The following PIP4P2 variants were observed in gnomAD, a reference collection of about 807,000 sequenced individuals.
PIP4P2 encodes type 2 phosphatidylinositol 4,5-bisphosphate 4-phosphatase.
Under a neutral mutation model 33.3 loss-of-function variants are expected in PIP4P2, and 19 were observed. That is an observed-to-expected ratio of 0.57 (90% CI 0.40 to 0.84). The LOEUF is 0.84. PIP4P2 is among the 40% of genes least tolerant of loss of function. PIP4P2 has a pLI of 0.00. For missense variants in PIP4P2, 270 were observed against 324.7 expected, an observed-to-expected ratio of 0.83 and a Z score of 1.29; for synonymous variants, 110 against 111.9, an observed-to-expected ratio of 0.98 and a Z score of 0.11.
chr8:91,006,798 G>C (rs184431225), intron 5 of PIP4P2, among the ~76,000 whole-genome samples: 2 of 151,984 alleles, frequency 1.3e-5, no homozygotes, highest in Admixed American at 1.3e-4. Flanking sequence ...GTGAAACCCC[G>C]CCTCTACTAA....
At chr8:91,021,633 G>A (rs1175576140) in intron 1 of PIP4P2, among the ~76,000 whole-genome samples, 1 of 152,056 alleles carries the variant, frequency 6.6e-6, no homozygotes, top group African/African-American at 2.4e-5. Flanking sequence ...GTTTGCCTAG[G>A]TCTATCCCAA....
chr8:91,001,495 G>T (rs1811698874), intron 5 of PIP4P2, among the ~76,000 whole-genome samples: 1 of 151,576 alleles, frequency 6.6e-6, no homozygotes, highest in Non-Finnish European at 1.5e-5. Flanking sequence ...AGGTAACCTT[G>T]TATGGCTAAG....
chr8:91,011,330 AC>A (rs1461384127), intron 4 of PIP4P2, among the ~76,000 whole-genome samples: 1 of 152,054 alleles, frequency 6.6e-6, no homozygotes, highest in Admixed American at 6.6e-5. Context: ...CATGGGCCCT[AC>A]AGAAATGTAA....
At chr8:91,013,377 A>T (rs1378902441) in intron 4 of PIP4P2, among the ~76,000 whole-genome samples, 1 of 152,212 alleles carries the variant, frequency 6.6e-6, no homozygotes, top group African/African-American at 2.4e-5. Flanking sequence ...GTTGAAACAA[A>T]TCTATATTGA....
At chr8:91,040,418 T>TCACCACCACCACCAC (rs58764824) in intron 1 of PIP4P2, among the ~76,000 whole-genome samples, 4 of 131,498 alleles carry the variant, frequency 3.0e-5, no homozygotes, top group Admixed American at 2.2e-4. Flanking sequence ...ACCACCACCA[T>TCACCACCACCACCAC]CACCACCACC....
At chr8:91,028,705 C>A (rs369190476) in intron 1 of PIP4P2, among the ~76,000 whole-genome samples, 4 of 152,252 alleles carry the variant, frequency 2.6e-5, no homozygotes, top group African/African-American at 9.6e-5. Flanking sequence ...AACACCACAT[C>A]CCTGGGGAAA....
intron 1 of PIP4P2, among the ~76,000 whole-genome samples, chr8:91,031,546 C>G (rs1400361205): frequency 6.6e-6 from 1 of 152,200 alleles, no homozygotes; most frequent in Non-Finnish European, 1.5e-5. Context: ...TACAGATTGA[C>G]CAAGCCTAAA....
At chr8:91,014,053 T>A (rs73299979) in intron 4 of PIP4P2, among the ~76,000 whole-genome samples, 16,408 of 152,146 alleles carry the variant, frequency 0.11, 1,072 homozygotes, top group African/African-American at 0.18. Context: ...ATAATAGTAA[T>A]TGAATTTTGA....
At position 91,020,180 on chromosome 8, in the gene PIP4P2, T is replaced by C; in HGVS notation, c.339A>G (p.Arg113=). The C allele has an allele frequency of 1.2e-6, 2 of 1,613,780 alleles. No individual in the cohort carries two copies. The highest frequency in any genetic ancestry group is 8.5e-7 in the Non-Finnish European group (1 of 1,179,796). The change falls in exon 3 of 7, where the codon CGA becomes CGG. Residue 113 remains arginine, a synonymous_variant. Transcript: ENST00000285419. The part of the protein sequence containing the change: ...CLLICKDTSR[R]IGCPRPNCRR... ...ACCAGTTGGGTCTTGGGCATCCTAT[T>C]CGCCGAGATGTGTCCTTACAAATGA...
At chr8:90,995,930 G>A (rs1205179621) in intron 6 of PIP4P2, 110 bp from the exon 7 acceptor site, 26 of 1,220,832 alleles carry the variant, frequency 2.1e-5, no homozygotes, top group South Asian at 8.4e-5. Context: ...CCCCCAGACC[G>A]AATACACAAA....
chr8:91,004,211 C>T (rs528309992), intron 5 of PIP4P2, among the ~76,000 whole-genome samples: 1 of 152,236 alleles, frequency 6.6e-6, no homozygotes, highest in South Asian at 2.1e-4. Context: ...TGAGGGACCA[C>T]TGGTGTACGT....
intron 4 of PIP4P2, among the ~76,000 whole-genome samples, chr8:91,014,903 T>A (rs1026236237): frequency 6.6e-6 from 1 of 151,986 alleles, no homozygotes; most frequent in African/African-American, 2.4e-5. Context: ...AATATACAAT[T>A]TCTGTTGGTC....
intron 1 of PIP4P2, among the ~76,000 whole-genome samples, chr8:91,037,626 G>A (rs1586188992): frequency 6.6e-6 from 1 of 152,236 alleles, no homozygotes; most frequent in Admixed American, 6.5e-5. Context: ...TCCTACCACA[G>A]ATTTGGCTGG....
intron 1 of PIP4P2, among the ~76,000 whole-genome samples, chr8:91,039,356 TCTCAAGCC>T (rs1812275154): frequency 6.6e-6 from 1 of 152,236 alleles, no homozygotes; most frequent in Non-Finnish European, 1.5e-5. Flanking sequence ...GTGCCTTATT[TCTCAAGCC>T]ATGGCTCACA....
At position 90,995,590 on chromosome 8, in the gene PIP4P2, A is replaced by T. The variant is rs1811617631; in HGVS notation, c.*87T>A. On this transcript the variant is annotated 3_prime_UTR_variant, in exon 7 of 7. Coordinates refer to ENST00000285419, the MANE Select transcript of PIP4P2 (RefSeq NM_018710.3). ...TTATACATAAACCAGAATGGAATCC[A>T]TTAGGATAAATAATTTAAAGATGTC... The T allele has an allele frequency of 6.8e-7, 1 of 1,473,614 alleles. No individual in the cohort carries two copies. The highest frequency in any genetic ancestry group is 1.5e-5 in the South Asian group (1 of 67,460). 91.3% of individuals were successfully genotyped at this position (1,473,614 alleles called of 1,614,324 possible).
chr8:90,996,158 T>C (rs1811625908), intron 6 of PIP4P2, among the ~76,000 whole-genome samples: 1 of 152,136 alleles, frequency 6.6e-6, no homozygotes. Context: ...AGCATGGAAA[T>C]GGCAGCCAAA....
At chr8:91,001,493 T>C (rs1332884631) in intron 5 of PIP4P2, among the ~76,000 whole-genome samples, 2 of 152,070 alleles carry the variant, frequency 1.3e-5, no homozygotes, top group Admixed American at 6.6e-5. Flanking sequence ...GCAGGTAACC[T>C]TGTATGGCTA....
chr8:90,994,277 A>G lies in PIP4P2; in HGVS notation c.*1400T>C, dbSNP rs1006754612. On this transcript the variant is annotated 3_prime_UTR_variant, in exon 7 of 7. Transcript: ENST00000285419. ...ATGGAATAAAACAAGGTAATTTTTG[A>G]ACAATAATCTTTATTAGTGTATTTT... 4.6e-5 allele frequency: 7 copies of G among 152,144 alleles called. No individual in the cohort carries two copies. Among genetic ancestry groups the G allele is most frequent in the African/African-American group, 1.2e-4 (5 of 41,458 alleles). 9.4% of individuals were successfully genotyped at this position (152,144 alleles called of 1,614,324 possible). A position where few individuals can be genotyped will look rare whatever the true frequency, so the allele number is the denominator to read the frequency against.
chr8:90,995,956 G>A (rs1041075347), intron 6 of PIP4P2, 136 bp from the exon 7 acceptor site: 1 of 960,616 alleles, frequency 1.0e-6, no homozygotes, highest in Non-Finnish European at 1.5e-6. Flanking sequence ...TATAAGAGTA[G>A]GTGTATCTGT....
Sources: gnomAD v4.1 joint callset for allele counts (sites outside exome capture counted in the v4.1 genomes callset) on GRCh38, gnomAD v4.1.1 for gene constraint, MANE v1.5 for transcripts, NCBI Gene and HGNC (gene_info 2026-07-23, HGNC 2026-07-21) for gene names.